Variants in CLIP4 observed in about 807,000 individuals in gnomAD.
CLIP4 encodes the protein CAP-Gly domain containing linker protein family member 4, also known as CAP-Gly domain-containing linker protein 4.
In CLIP4, 47 loss-of-function variants were observed where a neutral mutation model predicts 73.1. That is an observed-to-expected ratio of 0.64 (90% CI 0.51 to 0.82). The LOEUF is 0.82. Among genes scored for constraint, CLIP4 ranks in the 40% least tolerant of loss-of-function variants. The probability of loss-of-function intolerance (pLI) is 0.00; values close to 1 mark genes in which losing one functional copy is unlikely to be tolerated. For synonymous variants in CLIP4, 306 were observed against 295.4 expected, an observed-to-expected ratio of 1.04 and a Z score of -0.37; for missense variants, 874 against 852.9, an observed-to-expected ratio of 1.02 and a Z score of -0.31.
chr2:29,159,480 G>T (rs548898970), intron 11 of CLIP4, among the ~76,000 whole-genome samples: 1 of 152,030 alleles, frequency 6.6e-6, no homozygotes, highest in Admixed American at 6.5e-5. Flanking sequence ...AGGTTGACAG[G>T]GCAGTGGTTT....
At chr2:29,147,037 C>A (rs1666218043) in intron 8 of CLIP4, among the ~76,000 whole-genome samples, 1 of 152,050 alleles carries the variant, frequency 6.6e-6, no homozygotes. Flanking sequence ...GATTTGAAAA[C>A]AAGAGGAAAG....
chr2:29,174,589 A>G, intron 15 of CLIP4, 144 bp downstream of exon 15: 1 of 1,382,400 alleles, frequency 7.2e-7, no homozygotes. Context: ...AAGTGTATTG[A>G]GAAGCGTTCT....
chr2:29,177,163 C>G (rs1573048734), intron 15 of CLIP4, among the ~76,000 whole-genome samples: 2 of 152,022 alleles, frequency 1.3e-5, no homozygotes, highest in East Asian at 1.9e-4. Flanking sequence ...AATCTCAACA[C>G]TTTGGGAGGC....
At chr2:29,174,240 C>A (rs886642324) in intron 14 of CLIP4, 133 bp from the exon 15 acceptor site, 3 of 795,262 alleles carry the variant, frequency 3.8e-6, no homozygotes, top group Non-Finnish European at 5.9e-6. Context: ...GTGTGAGCCA[C>A]CATGCCAGCC....
intron 1 of CLIP4, among the ~76,000 whole-genome samples, chr2:29,117,638 TA>T (rs1163704962): frequency 6.6e-6 from 1 of 152,364 alleles, no homozygotes; most frequent in East Asian, 1.9e-4. Flanking sequence ...GGCCAATTTT[TA>T]AATTAATTTA....
intron 15 of CLIP4, among the ~76,000 whole-genome samples, chr2:29,177,204 A>C (rs1261643239): frequency 2.6e-5 from 4 of 151,948 alleles, no homozygotes; most frequent in African/African-American, 9.7e-5. Context: ...AGGTCAGGAG[A>C]TCGAGATCAT....
Position 29,132,172 on chromosome 2 carries a change from T to C in CLIP4, c.294T>C (p.Asn98=), listed in dbSNP as rs747787199. Residue 98 remains asparagine (N), a synonymous_variant, in exon 4 of 16, where the codon AAT becomes AAC. Transcript: ENST00000320081. The part of the protein sequence containing the change: ...IGNEILKRGC[N]VNDRDGLTDM... ...TTCAGATTCTTAAGAGAGGTTGCAA[T>C]GTGAATGATAGAGATGGATTGACAG... 1.2e-6 allele frequency: 2 copies of C among 1,613,672 alleles called. No individual in the cohort carries two copies. Among genetic ancestry groups the C allele is most frequent in the Non-Finnish European group, 1.7e-6 (2 of 1,179,690 alleles).
intron 8 of CLIP4, among the ~76,000 whole-genome samples, chr2:29,149,021 T>C (rs1363092017): frequency 6.6e-6 from 1 of 152,196 alleles, no homozygotes; most frequent in East Asian, 1.9e-4. Context: ...TTGTCTCAGG[T>C]AGAGTTTGAC....
intron 8 of CLIP4, among the ~76,000 whole-genome samples, chr2:29,150,353 A>G (rs953728616): frequency 1.3e-5 from 2 of 152,166 alleles, no homozygotes; most frequent in Non-Finnish European, 2.9e-5. Context: ...GTTTACTAAT[A>G]CTGAAAAGTG....
At chr2:29,131,071 G>A (rs79643436) in intron 2 of CLIP4, among the ~76,000 whole-genome samples, 187 bp from the exon 3 acceptor site, 1 of 151,924 alleles carries the variant, frequency 6.6e-6, no homozygotes, top group Non-Finnish European at 1.5e-5. Flanking sequence ...GTGTTGGTGA[G>A]GATTTTTAAA....
At chr2:29,165,152 A>G (rs1667523893) in intron 13 of CLIP4, among the ~76,000 whole-genome samples, 1 of 152,230 alleles carries the variant, frequency 6.6e-6, no homozygotes, top group Admixed American at 6.5e-5. Context: ...TGATTTAGCT[A>G]AAGTCATACA....
chr2:29,157,484 T>C, intron 11 of CLIP4, 137 bp downstream of exon 11: 1 of 1,364,590 alleles, frequency 7.3e-7, no homozygotes, highest in Admixed American at 1.9e-5. Flanking sequence ...CTTCCCCACC[T>C]CCCCCGAACC....
At chr2:29,130,658 C>A in intron 2 of CLIP4, 1 of 1,125,756 alleles carries the variant, frequency 8.9e-7, no homozygotes, top group South Asian at 2.0e-5. Context: ...CGAATGTTAT[C>A]ACATTTCAGT....
intron 1 of CLIP4, among the ~76,000 whole-genome samples, chr2:29,100,398 C>T (rs893587505): frequency 1.3e-5 from 2 of 151,676 alleles, no homozygotes; most frequent in African/African-American, 2.4e-5. Context: ...AAAATCGAGC[C>T]GACAGTATGG....
rs774482002 is a variant in CLIP4 at position 29,135,530 on chromosome 2, T to TA, written c.530-17dup. ...AGTTTAAACTTTTAGTTAATATACT[T>TA]ATGATGTTTAATTGCAGATGTGGAT... On this transcript the variant is annotated splice_polypyrimidine_tract_variant and intron_variant, in intron 5 of 15. Coordinates refer to ENST00000320081, the MANE Select transcript of CLIP4 (RefSeq NM_024692.6). The TA allele has an allele frequency of 6.4e-7, 1 of 1,552,990 alleles. No homozygotes were observed. The highest frequency in any genetic ancestry group is 1.2e-5 in the South Asian group (1 of 86,618).
Position 29,115,416 on chromosome 2 carries a change from T to TC in CLIP4, c.-261dup, listed in dbSNP as rs1008785366. 18 of 150,642 alleles carry TC rather than the reference T, an allele frequency of 1.2e-4. No individual in the cohort carries two copies. The highest frequency in any genetic ancestry group is 3.3e-4 in the Admixed American group (5 of 15,134). The allele number at this position is 150,642 out of a possible 1,614,324, so 9.3% of individuals were successfully genotyped here. A position where few individuals can be genotyped will look rare whatever the true frequency, so the allele number is the denominator to read the frequency against. On this transcript the variant is annotated 5_prime_UTR_variant, in exon 1 of 16. Coordinates refer to ENST00000320081, the MANE Select transcript of CLIP4 (RefSeq NM_024692.6). The surrounding 1 kb of genome is among the most constrained non-coding windows in gnomAD (Gnocchi z 5.1). Reference sequence around the variant, plus strand: ...GCGCAGGCGCGCGCTGCCTCCTCCGTCCCCACCGAGTCCCCAGCGCGTGCG... The same window carrying TC: ...GCGCAGGCGCGCGCTGCCTCCTCCGTCCCCCACCGAGTCCCCAGCGCGTGCG...
intron 15 of CLIP4, among the ~76,000 whole-genome samples, chr2:29,177,525 G>A (rs1668415290): frequency 6.6e-6 from 1 of 151,976 alleles, no homozygotes. Flanking sequence ...AGGTTGCAGT[G>A]AGCCTAGATT....
chr2:29,136,066 G>A (rs906066189), intron 6 of CLIP4, among the ~76,000 whole-genome samples: 7 of 152,094 alleles, frequency 4.6e-5, no homozygotes. Context: ...ATTTAAGGAT[G>A]AAGTAAGCCT....
intron 1 of CLIP4, among the ~76,000 whole-genome samples, chr2:29,101,540 G>A (rs139726736): frequency 6.6e-6 from 1 of 152,094 alleles, no homozygotes; most frequent in South Asian, 2.1e-4. Flanking sequence ...TCCTGGCCAT[G>A]CTGGCAGGTG....
Sources: allele counts gnomAD v4.1 joint callset (sites outside exome capture counted in the v4.1 genomes callset), GRCh38; gene constraint gnomAD v4.1.1; non-coding constraint Gnocchi (gnomAD v3.1); transcripts MANE v1.5; gene names NCBI Gene and HGNC (gene_info 2026-07-23, HGNC 2026-07-21).